DNAJB1: variants seen among roughly 807,000 people sequenced by gnomAD.
DNAJB1 encodes the protein DnaJ heat shock protein family (Hsp40) member B1, also known as dnaJ homolog subfamily B member 1.
Under a neutral mutation model 24.0 loss-of-function variants are expected in DNAJB1, and 14 were observed. The observed-to-expected ratio is 0.58, with a 90% CI of 0.39 to 0.91. DNAJB1 has a LOEUF of 0.91. Among genes scored for constraint, DNAJB1 ranks in the 40% least tolerant of loss-of-function variants. The pLI is 0.00. For synonymous variants in DNAJB1, 262 were observed against 174.4 expected (o/e 1.50, Z -3.96); for missense variants, 517 against 458.1 (o/e 1.13, Z -1.17).
intron 1 of DNAJB1, among the ~76,000 whole-genome samples, chr19:14,536,284 T>C (rs1415627628): frequency 1.4e-5 from 2 of 139,730 alleles, no homozygotes; most frequent in Non-Finnish European, 3.2e-5. Context: ...TTTTTTTTTT[T>C]CGTGAGACAG....
At chr19:14,542,722 C>T (rs1474969109) in intron 1 of DNAJB1, among the ~76,000 whole-genome samples, 1 of 151,994 alleles carries the variant, frequency 6.6e-6, no homozygotes, top group Non-Finnish European at 1.5e-5. Context: ...AGAAGTGTAC[C>T]GTGGATTGCG....
chr19:14,530,684 TC>T (rs1333888913), upstream of DNAJB1: 8 of 152,150 alleles, frequency 5.3e-5, no homozygotes, highest in Non-Finnish European at 1.0e-4. Context: ...AGGTCTTAGT[TC>T]CTAGCCACTA....
At chr19:14,531,285 C>G (rs1323085918), upstream of DNAJB1, 2 of 152,070 alleles carry the variant, frequency 1.3e-5, no homozygotes, top group Non-Finnish European at 2.9e-5. Flanking sequence ...GATTTGCCCT[C>G]CTCGGCCTCC....
intron 1 of DNAJB1, among the ~76,000 whole-genome samples, chr19:14,542,833 CTG>C (rs2073148701): frequency 6.6e-6 from 1 of 152,118 alleles, no homozygotes; most frequent in Admixed American, 6.6e-5. Flanking sequence ...AAGGCCCTCT[CTG>C]TGGCCCTGTA....
At chr19:14,525,899 C>T (rs146914040) in intron 2 of DNAJB1, among the ~76,000 whole-genome samples, 121 of 152,122 alleles carry the variant, frequency 8.0e-4, no homozygotes, top group Non-Finnish European at 1.4e-3. Context: ...ACAGCAGAAA[C>T]TTGCTAACGA....
chr19:14,516,433 CCT>C (rs35290640), intron 2 of DNAJB1, 31 bp downstream of exon 2: 87,194 of 1,596,424 alleles, frequency 0.055, 2,597 homozygotes, highest in African/African-American at 0.079. Context: ...CAGCCATCGC[CCT>C]CTACAGACAC....
chr19:14,537,806 G>A (rs2072957173), intron 1 of DNAJB1, among the ~76,000 whole-genome samples: 1 of 148,178 alleles, frequency 6.7e-6, no homozygotes, highest in South Asian at 2.2e-4. Flanking sequence ...GGGTGCAATG[G>A]CGTGATCTCG....
In DNAJB1 at chr19:14,528,656, G is replaced by A. The variant is rs1457488029; in HGVS notation, c.-175+554C>T. Among the ~76,000 whole-genome samples the A allele has an allele frequency of 2.0e-5, 3 of 152,040 alleles. No individual in the cohort carries two copies. In the East Asian group the frequency reaches 5.8e-4, roughly 30 times the overall value. On this transcript the variant is annotated intron_variant, in intron 1 of 3. Coordinates refer to the DNAJB1 transcript ENST00000396969. ...CATAGGGCGGAGCAAAGTGTGGAGG[G>A]GGGCCGGGCGGGGTGGCTCAGGCCT...
chr19:14,531,741 A>G (rs1234990481), upstream of DNAJB1: 3 of 152,162 alleles, frequency 2.0e-5, no homozygotes, highest in African/African-American at 7.2e-5. Context: ...CCTTTAACCC[A>G]CAAATCCTGT....
intron 1 of DNAJB1, chr19:14,517,583 C>A (rs903704240): frequency 3.0e-4 from 46 of 154,606 alleles, no homozygotes; most frequent in Admixed American, 1.3e-4. Flanking sequence ...AAGCCCTGCT[C>A]TCCTTACCCT....
intron 1 of DNAJB1, among the ~76,000 whole-genome samples, chr19:14,535,533 A>T (rs1599415293): frequency 3.5e-4 from 22 of 62,044 alleles, no homozygotes; most frequent in African/African-American, 1.5e-3. Flanking sequence ...AAAAAAAAAA[A>T]AAAAAAAAAA....
At chr19:14,543,034 C>A (rs963478388) in intron 1 of DNAJB1, among the ~76,000 whole-genome samples, 5 of 146,936 alleles carry the variant, frequency 3.4e-5, no homozygotes, top group Non-Finnish European at 7.5e-5. Context: ...GGATCACTGG[C>A]CAGAGCGTGG....
At chr19:14,533,420 CA>C (rs111743388), upstream of DNAJB1, among the ~76,000 whole-genome samples, 29 of 141,940 alleles carry the variant, frequency 2.0e-4, no homozygotes, top group Non-Finnish European at 2.5e-4. Flanking sequence ...GACTCTGTCT[CA>C]AAAAAAAAAA....
intron 1 of DNAJB1, among the ~76,000 whole-genome samples, chr19:14,545,541 AC>A (rs1297814246): frequency 6.6e-6 from 1 of 151,986 alleles, no homozygotes; most frequent in East Asian, 1.9e-4. Flanking sequence ...AGTCGTGCGC[AC>A]TGTCATATCC....
intron 1 of DNAJB1, among the ~76,000 whole-genome samples, chr19:14,543,400 T>TAC (rs2073170741): frequency 1.2e-4 from 1 of 8,292 alleles, no homozygotes; most frequent in Non-Finnish European, 3.0e-4. Flanking sequence ...TATATATATA[T>TAC]ATATATATAT....
At position 14,516,566 on chromosome 19, in the gene DNAJB1, ATGT is replaced by A; in HGVS notation, c.689_691del (p.Asn230del). The A allele has an allele frequency of 6.2e-7, 1 of 1,614,182 alleles. No homozygotes were observed. Among genetic ancestry groups the A allele is most frequent in the Non-Finnish European group, 8.5e-7 (1 of 1,180,046 alleles). The stretch of plus-strand genomic sequence containing the variant: ...TAAAACAAAGACGATATCAGCTGGA[ATGT>A]TGTTGGAGGTCTGGTCTCCTTCCTT... On this transcript the variant is annotated inframe_deletion, in exon 2 of 3. Transcript: ENST00000254322.
At chr19:14,529,635 G>T (rs776105806), upstream of DNAJB1, 1 of 1,613,120 alleles carries the variant, frequency 6.2e-7, no homozygotes. Context: ...TAGGGAGCCT[G>T]TGCTGTGCCG....
chr19:14,542,522 C>T (rs1017942205), intron 1 of DNAJB1, among the ~76,000 whole-genome samples: 5 of 151,554 alleles, frequency 3.3e-5, no homozygotes, highest in Admixed American at 6.6e-5. Context: ...CCACCACTCC[C>T]GGCTAATTTT....
upstream of DNAJB1, among the ~76,000 whole-genome samples, chr19:14,522,691 C>G (rs10411609): frequency 0.21 from 5,348 of 25,756 alleles, 141 homozygotes; most frequent in African/African-American, 0.32. Flanking sequence ...CAGACACACA[C>G]ACACACACAC....
Sources: allele counts gnomAD v4.1 joint callset (sites outside exome capture counted in the v4.1 genomes callset), GRCh38; gene constraint gnomAD v4.1.1; transcripts MANE v1.5; gene names NCBI Gene and HGNC (gene_info 2026-07-23, HGNC 2026-07-21).